MED13L: variants seen among roughly 807,000 people sequenced by gnomAD.
MED13L encodes the protein mediator of RNA polymerase II transcription subunit 13-like.
MED13L carries 7 observed loss-of-function variants against 220.9 expected under a neutral mutation model. That is an observed-to-expected ratio of 0.03 (90% CI 0.02 to 0.06). MED13L has a LOEUF of 0.06. MED13L is among the 10% of genes least tolerant of loss of function. MED13L has a pLI of 1.00. For missense variants in MED13L, 1,965 were observed against 2,760.5 expected (o/e 0.71, Z 6.46); for synonymous variants, 1,011 against 1,015.2 (o/e 1.00, Z 0.08).
At chr12:116,027,658 G>A (rs550823350) in intron 4 of MED13L, among the ~76,000 whole-genome samples, 57 of 152,218 alleles carry the variant, frequency 3.7e-4, no homozygotes, top group African/African-American at 1.3e-3. Flanking sequence ...AGAAATCCGC[G>A]GTGCTTCCAT....
At chr12:116,194,204 T>G (rs2138278462) in intron 2 of MED13L, among the ~76,000 whole-genome samples, 1 of 152,208 alleles carries the variant, frequency 6.6e-6, no homozygotes, top group Non-Finnish European at 1.5e-5. Flanking sequence ...TCGCTCTTTT[T>G]GTCCAACCTG....
chr12:116,222,466 C>A (rs975600834), intron 2 of MED13L, among the ~76,000 whole-genome samples: 1 of 152,134 alleles, frequency 6.6e-6, no homozygotes, highest in South Asian at 2.1e-4. Flanking sequence ...GGGAGTAATC[C>A]AAAATCCATG....
intron 17 of MED13L, among the ~76,000 whole-genome samples, chr12:115,990,666 G>T (rs1049987237): frequency 1.3e-5 from 2 of 152,206 alleles, no homozygotes; most frequent in African/African-American, 2.4e-5. Flanking sequence ...TTGGAAACTT[G>T]ATCTGGAAGA....
chr12:116,144,729 G>A (rs1194597715), intron 2 of MED13L, among the ~76,000 whole-genome samples: 1 of 152,146 alleles, frequency 6.6e-6, no homozygotes. Context: ...AAAAGTGAGT[G>A]GGTTTTGTTT....
chr12:116,232,527 A>G (rs1474609654), intron 2 of MED13L, among the ~76,000 whole-genome samples: 1 of 152,254 alleles, frequency 6.6e-6, no homozygotes, highest in East Asian at 1.9e-4. Context: ...CAAATTTATT[A>G]TAAGTCAATC....
chr12:115,977,265 C>T (rs896496726), intron 23 of MED13L, among the ~76,000 whole-genome samples: 8 of 152,212 alleles, frequency 5.3e-5, no homozygotes, highest in African/African-American at 1.7e-4. Context: ...CAGCATTAGG[C>T]ATGGCAGTAA....
Position 116,277,409 on chromosome 12 carries a change from C to CGCCGCTGCT in MED13L, c.-287_-279dup, listed in dbSNP as rs1166683409. The CGCCGCTGCT allele has an allele frequency of 6.9e-5, 1 of 14,570 alleles. No individual in the cohort carries two copies. The highest frequency in any genetic ancestry group is 1.1e-4 in the Non-Finnish European group (1 of 9,482). 0.9% of individuals were successfully genotyped at this position (14,570 alleles called of 1,614,324 possible). On this transcript the variant is annotated 5_prime_UTR_variant, in exon 1 of 31. Transcript: ENST00000281928. ...TTCCCTGCTCCTCAGCCGCCGCCGC[C>CGCCGCTGCT]GCCGCTGCTGCCGCTGCCGCCGCCT...
intron 9 of MED13L, among the ~76,000 whole-genome samples, chr12:116,012,194 C>T (rs750315232): frequency 6.6e-6 from 1 of 152,072 alleles, no homozygotes; most frequent in Non-Finnish European, 1.5e-5. Context: ...CTAATGAAAA[C>T]CTATGATGGT....
chr12:116,011,120 C>T (rs910436195), intron 9 of MED13L, among the ~76,000 whole-genome samples: 1 of 151,890 alleles, frequency 6.6e-6, no homozygotes, highest in Non-Finnish European at 1.5e-5. Context: ...CTCTTGACCT[C>T]GTGATCTGCC....
intron 4 of MED13L, among the ~76,000 whole-genome samples, chr12:116,037,124 C>G (rs1395628060): frequency 6.6e-6 from 1 of 152,012 alleles, no homozygotes; most frequent in Non-Finnish European, 1.5e-5. Flanking sequence ...AAAAAGTTAC[C>G]AAGTACATTA....
At chr12:115,965,091 AAT>A (rs1212330400) in intron 29 of MED13L, among the ~76,000 whole-genome samples, 1 of 152,232 alleles carries the variant, frequency 6.6e-6, no homozygotes, top group East Asian at 1.9e-4. Flanking sequence ...TTCACTGTCT[AAT>A]AAGTTTTTGG....
At chr12:116,050,414 T>C (rs983070168) in intron 4 of MED13L, among the ~76,000 whole-genome samples, 2 of 152,302 alleles carry the variant, frequency 1.3e-5, no homozygotes, top group African/African-American at 4.8e-5. Context: ...AAATAAAATG[T>C]ATCTACTGAA....
intron 3 of MED13L, among the ~76,000 whole-genome samples, chr12:116,105,210 A>G (rs1873452771): frequency 6.6e-6 from 1 of 152,208 alleles, no homozygotes; most frequent in Admixed American, 6.5e-5. Flanking sequence ...TGAACTTAAA[A>G]CACAAAGTGT....
chr12:116,009,216 T>A (rs755041086), intron 9 of MED13L, 84 bp from the exon 10 acceptor site: 26 of 1,359,350 alleles, frequency 1.9e-5, no homozygotes, highest in Non-Finnish European at 2.5e-5. Context: ...AAGCATACAT[T>A]AGATGTACTA....
chr12:116,211,618 G>A (rs186188649), intron 2 of MED13L, among the ~76,000 whole-genome samples: 161 of 152,198 alleles, frequency 1.1e-3, no homozygotes, highest in African/African-American at 3.6e-3. Flanking sequence ...CTGAATTTGG[G>A]AGTCAGAAAT....
chr12:116,232,263 AT>A, intron 2 of MED13L: 3 of 254,222 alleles, frequency 1.2e-5, no homozygotes, highest in Non-Finnish European at 1.9e-5. Context: ...AAGACTTCTG[AT>A]ACTGTTATAG....
At chr12:115,982,343 TAAC>T (rs757378694) in intron 22 of MED13L, 38 bp downstream of exon 22, 43 of 1,563,170 alleles carry the variant, frequency 2.8e-5, no homozygotes, top group Middle Eastern at 1.7e-4. Context: ...ACAACAAAAA[TAAC>T]AACATCAAAA....
chr12:115,984,737 C>CCT (rs1877567268), intron 19 of MED13L, among the ~76,000 whole-genome samples: 1 of 152,144 alleles, frequency 6.6e-6, no homozygotes, highest in Admixed American at 6.5e-5. Flanking sequence ...ACTAAAATCT[C>CCT]CTAAGTAATC....
At chr12:115,971,612 T>C (rs1471126645) in intron 26 of MED13L, among the ~76,000 whole-genome samples, 2 of 152,242 alleles carry the variant, frequency 1.3e-5, no homozygotes, top group African/African-American at 4.8e-5. Flanking sequence ...CCAGGTACTG[T>C]GCTAACTGCT....
Sources: gnomAD v4.1 joint callset for allele counts (sites outside exome capture counted in the v4.1 genomes callset) on GRCh38, gnomAD v4.1.1 for gene constraint, MANE v1.5 for transcripts, NCBI Gene and HGNC (gene_info 2026-07-23, HGNC 2026-07-21) for gene names.